PHF3: variants seen among roughly 807,000 people sequenced by gnomAD.
The protein encoded by PHF3 is PHD finger protein 3.
A neutral mutation model predicts 178.4 loss-of-function variants in PHF3; 41 were observed. The observed-to-expected ratio is 0.23, with a 90% CI of 0.18 to 0.30. PHF3 has a LOEUF of 0.30. Among genes scored for constraint, PHF3 ranks in the 10% least tolerant of loss-of-function variants. PHF3 has a pLI of 1.00. For missense variants in PHF3, 2,346 were observed against 2,398.1 expected (o/e 0.98, Z 0.45); for synonymous variants, 842 against 800.5 (o/e 1.05, Z -0.88).
intron 10 of PHF3, 91 bp from the exon 11 acceptor site, chr6:63,703,445 A>T: frequency 7.5e-7 from 1 of 1,338,388 alleles, no homozygotes; most frequent in Non-Finnish European, 1.0e-6. Context: ...ACTGCATTTT[A>T]GGAAAATATA....
intron 2 of PHF3, among the ~76,000 whole-genome samples, chr6:63,666,135 A>C (rs935264499): frequency 5.9e-5 from 9 of 152,342 alleles, no homozygotes; most frequent in African/African-American, 2.2e-4. Flanking sequence ...TATAAAGTCT[A>C]ATAAAAGCTG....
In PHF3 at chr6:63,720,684, A is replaced by G. The variant is rs1326672470; in HGVS notation, c.*6976A>G. 6.5e-7 allele frequency: 1 copy of G among 1,545,370 alleles called. No homozygotes were observed. Among genetic ancestry groups the G allele is most frequent in the Non-Finnish European group, 8.7e-7 (1 of 1,145,242 alleles). On this transcript the variant is annotated 3_prime_UTR_variant, in exon 16 of 16. Transcript: ENST00000262043. ...AATGTTTTTTGGTTCCTGAAAAAAT[A>G]CAACATCTTTAATTTTGCCAACAAA...
At chr6:63,649,079 C>CTTATTTATTTATTTAT (rs10645572) in intron 2 of PHF3, among the ~76,000 whole-genome samples, 6 of 148,620 alleles carry the variant, frequency 4.0e-5, no homozygotes, top group South Asian at 2.1e-4. Context: ...AAAAAGAAAT[C>CTTATTTATTTATTTAT]TTATTTATTT....
At chr6:63,709,676 T>C (rs1272322045) in intron 14 of PHF3, among the ~76,000 whole-genome samples, 1 of 152,222 alleles carries the variant, frequency 6.6e-6, no homozygotes, top group Non-Finnish European at 1.5e-5. Flanking sequence ...AAATGAGGAA[T>C]ACCTGTCTAG....
rs1350103440 is a variant in PHF3, at chr6:63,723,975, T to A, written c.*10267T>A. ...GGCACTGGCCATCACGGCCGGCTAA[T>A]TTTTGTATTTTGGGTAGAGCGAGGT... On this transcript the variant is annotated 3_prime_UTR_variant, in exon 16 of 16. Coordinates refer to ENST00000262043, the MANE Select transcript of PHF3 (RefSeq NM_001370348.2). Among the ~76,000 whole-genome samples the A allele has an allele frequency of 6.6e-6, 1 of 152,006 alleles. No homozygotes were observed. Among genetic ancestry groups the A allele is most frequent in the Non-Finnish European group, 1.5e-5 (1 of 67,980 alleles).
Position 63,711,829 on chromosome 6 carries a change from A to C in PHF3, c.4241A>C (p.Gln1414Pro). 1 of 1,614,046 alleles carries C rather than the reference A, an allele frequency of 6.2e-7. No individual in the cohort carries two copies. The part of the protein sequence containing the change: ...TVLHKQRNKP[Q>P]QNLQEDLPTA... ...TTACACAAGCAGAGAAATAAACCTC[A>C]GCAGAATCTTCAGGAAGACCTTCCA... Residue 1414 changes from glutamine (Q) to proline (P), a missense_variant, in exon 16 of 16, where the codon CAG becomes CCG. By Grantham distance (76) the Gln-to-Pro change is moderately conservative (BLOSUM62 -1). Transcript: ENST00000262043.
chr6:63,710,384 GAC>G (rs752377595), intron 14 of PHF3, among the ~76,000 whole-genome samples: 7 of 152,030 alleles, frequency 4.6e-5, no homozygotes, highest in Non-Finnish European at 8.8e-5. Flanking sequence ...CAGTTTAGAT[GAC>G]ACACATTTTA....
At chr6:63,708,805 T>TA (rs1355335720) in intron 13 of PHF3, among the ~76,000 whole-genome samples, 1 of 152,204 alleles carries the variant, frequency 6.6e-6, no homozygotes, top group Non-Finnish European at 1.5e-5. Flanking sequence ...AAGGGGAGGT[T>TA]ACAATCTCTG....
chr6:63,644,100 G>T (rs1764684047), intron 1 of PHF3, among the ~76,000 whole-genome samples: 1 of 152,160 alleles, frequency 6.6e-6, no homozygotes, highest in South Asian at 2.1e-4. Context: ...GCCTCATGTT[G>T]CTATGGTAAC....
rs575884515 is a variant in PHF3, at chr6:63,717,655, A to G, written c.*3947A>G. On this transcript the variant is annotated 3_prime_UTR_variant, in exon 16 of 16. Coordinates refer to ENST00000262043, the MANE Select transcript of PHF3 (RefSeq NM_001370348.2). ...ATGCAGAGCAGAGTCATTGAGGGAA[A>G]TAGCCTAAGCACTCAAAGGGCAGTG... Among the ~76,000 whole-genome samples, 1 of 152,162 alleles carries G rather than the reference A, an allele frequency of 6.6e-6. No individual in the cohort carries two copies. Among genetic ancestry groups the G allele is most frequent in the South Asian group, 2.1e-4 (1 of 4,830 alleles).
chr6:63,713,127 T>C lies in PHF3; in HGVS notation c.5539T>C (p.Phe1847Leu). 1 of 1,614,040 alleles carries C rather than the reference T, an allele frequency of 6.2e-7. No individual in the cohort carries two copies. The highest frequency in any genetic ancestry group is 8.5e-7 in the Non-Finnish European group (1 of 1,179,970). ...PPLLPPPGFG[F>L]AQNPMVPWPP... The stretch of plus-strand genomic sequence containing the variant: ...ATTACTTCCCCCTCCAGGCTTTGGC[T>C]TTGCTCAAAATCCCATGGTTCCCTG... Residue 1847 changes from phenylalanine (F) to leucine (L), a missense_variant, in exon 16 of 16, where the codon TTT (phenylalanine) becomes CTT (leucine). Phe to Leu is a conservative substitution (Grantham distance 22). Coordinates refer to ENST00000262043, the MANE Select transcript of PHF3 (RefSeq NM_001370348.2).
At chr6:63,691,716 T>C (rs548813239) in intron 4 of PHF3, 21 bp from the exon 5 acceptor site, 1 of 1,532,868 alleles carries the variant, frequency 6.5e-7, no homozygotes, top group East Asian at 2.3e-5. Flanking sequence ...GATAAAAGTT[T>C]TTTGGTGTTC....
chr6:63,694,862 A>G, intron 6 of PHF3, 98 bp downstream of exon 6: 2 of 687,446 alleles, frequency 2.9e-6, no homozygotes, highest in Non-Finnish European at 4.1e-6. Context: ...CAAATTTAAC[A>G]TTATTAAATG....
chr6:63,698,440 A>C lies in PHF3; in HGVS notation c.2826-9A>C, dbSNP rs755367213. On this transcript the variant is annotated splice_polypyrimidine_tract_variant and intron_variant, in intron 7 of 15. Coordinates refer to ENST00000262043, the MANE Select transcript of PHF3 (RefSeq NM_001370348.2). ...ATTTGAAAAATAATTGAATTGTTCT[A>C]ATTTTAAGACTTACAGACTCAAATT... is the stretch of plus-strand genomic sequence containing the variant. The C allele has an allele frequency of 6.3e-7, 1 of 1,589,356 alleles. No homozygotes were observed. The highest frequency in any genetic ancestry group is 2.2e-5 in the East Asian group (1 of 44,538).
intron 11 of PHF3, among the ~76,000 whole-genome samples, chr6:63,705,375 G>C (rs1767645597): frequency 6.6e-6 from 1 of 152,214 alleles, no homozygotes; most frequent in Admixed American, 6.5e-5. Flanking sequence ...TGGCCTATTA[G>C]GAACTGGGCC....
At chr6:63,691,595 T>G (rs1767000584) in intron 4 of PHF3, 142 bp from the exon 5 acceptor site, 1 of 683,600 alleles carries the variant, frequency 1.5e-6, no homozygotes, top group Non-Finnish European at 2.5e-6. Context: ...TTGCTGTATG[T>G]TGAACTTATG....
In PHF3 at chr6:63,720,523, CA is replaced by C; in HGVS notation, c.*6817del. The C allele has an allele frequency of 9.1e-7, 1 of 1,096,016 alleles. No individual in the cohort carries two copies. The highest frequency in any genetic ancestry group is 1.3e-6 in the Non-Finnish European group (1 of 786,872). 67.9% of individuals were successfully genotyped at this position (1,096,016 alleles called of 1,614,324 possible). ...TAGTAAACAGTTGATTCCCCGTAAGCAATGTATCAAAGAAATAACTATCAAA... is the reference window on the plus strand; with the variant it reads ...TAGTAAACAGTTGATTCCCCGTAAGCATGTATCAAAGAAATAACTATCAAA... On this transcript the variant is annotated 3_prime_UTR_variant, in exon 16 of 16. Transcript: ENST00000262043.
Position 63,691,278 on chromosome 6 carries a change from TAAAC to T in PHF3, c.2190-456_2190-453del, listed in dbSNP as rs1316449495. Among the ~76,000 whole-genome samples the T allele has an allele frequency of 5.3e-5, 8 of 152,276 alleles. No individual in the cohort carries two copies. The East Asian group carries it at 1.5e-3, about 29-fold the overall frequency. On this transcript the variant is annotated intron_variant, in intron 4 of 15. Coordinates refer to ENST00000262043, the MANE Select transcript of PHF3 (RefSeq NM_001370348.2). ...CTTTTATTTAAAACGATTTGTTGGA[TAAAC>T]AATTCTTCCCAATTTTATATGTGAT...
intron 1 of PHF3, among the ~76,000 whole-genome samples, chr6:63,643,147 C>CCTTTT (rs1257052839): frequency 3.9e-5 from 6 of 152,128 alleles, no homozygotes; most frequent in African/African-American, 1.4e-4. Flanking sequence ...TTTTCTGTTC[C>CCTTTT]ATGATCTAAT....
Sources: allele counts gnomAD v4.1 joint callset (sites outside exome capture counted in the v4.1 genomes callset), GRCh38; gene constraint gnomAD v4.1.1; transcripts MANE v1.5; gene names NCBI Gene and HGNC (gene_info 2026-07-23, HGNC 2026-07-21).